Variants in EGFLAM observed in about 807,000 individuals in gnomAD.
EGFLAM encodes EGF like, fibronectin type III and laminin G domains.
A neutral mutation model predicts 113.1 loss-of-function variants in EGFLAM; 79 were observed. The observed-to-expected ratio is 0.70, with a 90% CI of 0.58 to 0.84. The LOEUF (loss-of-function observed/expected upper bound fraction) is 0.84. Among genes scored for constraint, EGFLAM ranks in the 40% least tolerant of loss-of-function variants. The pLI is 0.00. For synonymous variants in EGFLAM, 504 were observed against 487.6 expected (o/e 1.03, Z -0.44); for missense variants, 1,265 against 1,291.6 (o/e 0.98, Z 0.32).
chr5:38,352,939 C>T (rs1410535367), intron 5 of EGFLAM, among the ~76,000 whole-genome samples: 2 of 152,220 alleles, frequency 1.3e-5, no homozygotes, highest in East Asian at 3.9e-4. Flanking sequence ...GCCTACATTT[C>T]AAGCATGAGC....
intron 15 of EGFLAM, 102 bp downstream of exon 15, chr5:38,431,390 T>G: frequency 9.1e-7 from 1 of 1,098,660 alleles, no homozygotes; most frequent in Non-Finnish European, 1.3e-6. Context: ...GTTAACTACA[T>G]GGACTTCAGT....
chr5:38,261,629 A>G (rs990847024), intron 1 of EGFLAM, among the ~76,000 whole-genome samples: 4 of 152,278 alleles, frequency 2.6e-5, no homozygotes, highest in Admixed American at 6.5e-5. Flanking sequence ...GAGGCTGAAG[A>G]GTGGAGCTCC....
rs530788426 is a variant in EGFLAM, at chr5:38,388,409, C to T, written c.713-17717C>T. 4.6e-5 allele frequency among the ~76,000 whole-genome samples: 7 copies of T among 152,094 alleles called. 1 individual carries two copies. Among genetic ancestry groups the T allele is most frequent in the African/African-American group, 1.2e-4 (5 of 41,474 alleles). On this transcript the variant is annotated intron_variant, in intron 6 of 21. Coordinates refer to ENST00000322350, the MANE Select transcript of EGFLAM (RefSeq NM_152403.4). ...CCAAGGTGAGAGGATTGCTTGAGCC[C>T]GGAAATTCAAGACCAGCCTGGGCAA...
intron 6 of EGFLAM, chr5:38,400,000 A>G (rs980287635): frequency 2.6e-5 from 4 of 152,190 alleles, no homozygotes; most frequent in African/African-American, 9.7e-5. Flanking sequence ...AGATACCTGC[A>G]ATATGTCTAA....
Position 38,369,710 on chromosome 5 carries a change from C to T in EGFLAM, c.546-586C>T, listed in dbSNP as rs1309221464. On this transcript the variant is annotated intron_variant, in intron 5 of 21. Transcript: ENST00000322350. ...CTCCCGCCTTCTGTGTATTACCTCC[C>T]AGATGGGAGCTCTAAGCAAAGGTCT... Among the ~76,000 whole-genome samples the T allele has an allele frequency of 2.0e-5, 3 of 152,278 alleles. No individual in the cohort carries two copies. In the East Asian group the frequency reaches 5.8e-4, roughly 29 times the overall value.
rs766401572 is a variant in EGFLAM at position 38,407,015 on chromosome 5, T to C, written c.1016T>C (p.Met339Thr). The C allele has an allele frequency of 1.9e-6, 3 of 1,614,078 alleles. No individual in the cohort carries two copies. The highest frequency in any genetic ancestry group is 1.3e-5 in the African/African-American group (1 of 74,926). ...QRKGKNGVAIMSRLFDMPCDE... is the reference protein window; with the variant it reads ...QRKGKNGVAITSRLFDMPCDE... ...AAGGGGAAGAATGGTGTGGCCATAA[T>C]GTCAAGGCTCTTTGACATGCCTTGT... Residue 339 changes from methionine to threonine, a missense_variant, in exon 8 of 22, where the codon ATG (methionine) becomes ACG (threonine). Physicochemically the swap from Met to Thr is moderately conservative, Grantham distance 81 (BLOSUM62 -1). Coordinates refer to ENST00000322350, the MANE Select transcript of EGFLAM (RefSeq NM_152403.4).
chr5:38,386,290 G>A lies in EGFLAM; in HGVS notation c.712+15828G>A, dbSNP rs564326844. 9.8e-4 allele frequency among the ~76,000 whole-genome samples: 149 copies of A among 152,214 alleles called. 1 individual carries two copies. The highest frequency in any genetic ancestry group is 3.5e-3 in the African/African-American group (144 of 41,536). On this transcript the variant is annotated intron_variant, in intron 6 of 21. Transcript: ENST00000322350. ...TGGCTCACTGCAACCTCCACCTCCCGAGTTCAAGCAATGTCTCCTGCCTCT... is the reference window on the plus strand; with the variant it reads ...TGGCTCACTGCAACCTCCACCTCCCAAGTTCAAGCAATGTCTCCTGCCTCT...
intron 1 of EGFLAM, among the ~76,000 whole-genome samples, chr5:38,273,959 G>A (rs1299043864): frequency 6.6e-6 from 1 of 152,084 alleles, no homozygotes; most frequent in Non-Finnish European, 1.5e-5. Flanking sequence ...TCAATAAAAT[G>A]CGTAGAAACA....
chr5:38,327,691 T>C (rs1738926759), intron 1 of EGFLAM, among the ~76,000 whole-genome samples: 1 of 152,232 alleles, frequency 6.6e-6, no homozygotes, highest in Admixed American at 6.5e-5. Context: ...ATCCACCTTA[T>C]ACCAATTTCT....
chr5:38,450,112 G>C (rs77568522), intron 18 of EGFLAM, among the ~76,000 whole-genome samples: 3 of 152,196 alleles, frequency 2.0e-5, no homozygotes, highest in African/African-American at 7.2e-5. Flanking sequence ...GGATATGATT[G>C]TGTCTCTTCT....
At chr5:38,385,280 C>CT (rs1740628625) in intron 6 of EGFLAM, among the ~76,000 whole-genome samples, 1 of 68,320 alleles carries the variant, frequency 1.5e-5, no homozygotes. Flanking sequence ...TCCCACCCAC[C>CT]CCCCCCCCCC....
chr5:38,410,308 T>C (rs964567142), intron 10 of EGFLAM, among the ~76,000 whole-genome samples: 1 of 152,216 alleles, frequency 6.6e-6, no homozygotes, highest in African/African-American at 2.4e-5. Flanking sequence ...TCTTGGGCGG[T>C]GGTTTTCACC....
intron 6 of EGFLAM, among the ~76,000 whole-genome samples, chr5:38,392,279 G>C (rs1451885091): frequency 6.6e-6 from 1 of 152,196 alleles, no homozygotes; most frequent in African/African-American, 2.4e-5. Context: ...TTCTGCAAAA[G>C]ACATGATCTT....
rs1448683363 is a variant in EGFLAM, at chr5:38,448,286, T to G, written c.2465-15T>G. Reference sequence around the variant, plus strand: ...ACCACATACTATGTAACCTCCTTTTTCTGTTCTGTCCCAGCGATCATAGAA... The same window carrying G: ...ACCACATACTATGTAACCTCCTTTTGCTGTTCTGTCCCAGCGATCATAGAA... On this transcript the variant is annotated splice_polypyrimidine_tract_variant and intron_variant, in intron 17 of 21. Coordinates refer to ENST00000322350, the MANE Select transcript of EGFLAM (RefSeq NM_152403.4). 6.2e-7 allele frequency: 1 copy of G among 1,614,058 alleles called. No homozygotes were observed. The highest frequency in any genetic ancestry group is 1.1e-5 in the South Asian group (1 of 91,078).
intron 1 of EGFLAM, among the ~76,000 whole-genome samples, chr5:38,323,939 G>C (rs1466296212): frequency 6.6e-6 from 1 of 151,346 alleles, no homozygotes; most frequent in Non-Finnish European, 1.5e-5. Context: ...CTATTCTGGA[G>C]CCTGAGGCAG....
At chr5:38,333,307 G>A (rs1200676225) in intron 1 of EGFLAM, among the ~76,000 whole-genome samples, 1 of 152,130 alleles carries the variant, frequency 6.6e-6, no homozygotes, top group Admixed American at 6.5e-5. Flanking sequence ...ATTCCTCTGG[G>A]TGTATATCCA....
chr5:38,380,491 C>A (rs1740479938), intron 6 of EGFLAM, among the ~76,000 whole-genome samples: 1 of 152,144 alleles, frequency 6.6e-6, no homozygotes, highest in Non-Finnish European at 1.5e-5. Context: ...AGGCATTATT[C>A]CAGGAGCATG....
At chr5:38,439,122 A>G (rs891874042) in intron 17 of EGFLAM, among the ~76,000 whole-genome samples, 1 of 152,216 alleles carries the variant, frequency 6.6e-6, no homozygotes, top group Admixed American at 6.5e-5. Flanking sequence ...TACTCAAGCA[A>G]CCAACAAATA....
At chr5:38,420,885 A>G (rs1206206206) in intron 12 of EGFLAM, among the ~76,000 whole-genome samples, 3 of 152,186 alleles carry the variant, frequency 2.0e-5, no homozygotes, top group Non-Finnish European at 2.9e-5. Context: ...GGATACAGCT[A>G]TTGGATTACT....
Sources: gnomAD v4.1 joint callset for allele counts (sites outside exome capture counted in the v4.1 genomes callset) on GRCh38, gnomAD v4.1.1 for gene constraint, MANE v1.5 for transcripts, NCBI Gene and HGNC (gene_info 2026-07-23, HGNC 2026-07-21) for gene names.